The following GRIK2 variants were observed in gnomAD, a reference collection of about 807,000 sequenced individuals.
GRIK2 encodes glutamate receptor ionotropic, kainate 2.
In GRIK2, 32 loss-of-function variants were observed where a neutral mutation model predicts 100.3. That is an observed-to-expected ratio of 0.32 (90% CI 0.24 to 0.43). The LOEUF is 0.43. Ranked by LOEUF, GRIK2 falls within the 20% of genes least tolerant of loss-of-function variation. The pLI is 1.00. For synonymous variants in GRIK2, 417 were observed against 389.4 expected (o/e 1.07, Z -0.83); for missense variants, 843 against 1,114.9 (o/e 0.76, Z 3.47).
At chr6:101,446,234 G>A (rs1770367640) in intron 2 of GRIK2, among the ~76,000 whole-genome samples, 1 of 151,782 alleles carries the variant, frequency 6.6e-6, no homozygotes, top group African/African-American at 2.4e-5. Flanking sequence ...AAATTTATGA[G>A]GCACCAAATT....
At chr6:102,000,272 A>G (rs1446395295) in intron 14 of GRIK2, among the ~76,000 whole-genome samples, 2 of 117,174 alleles carry the variant, frequency 1.7e-5, no homozygotes, top group African/African-American at 6.4e-5. Context: ...TTCTTTGTTG[A>G]AGGCTTTTTT....
intron 3 of GRIK2, among the ~76,000 whole-genome samples, chr6:101,623,262 T>A (rs899884468): frequency 9.9e-5 from 15 of 152,042 alleles, no homozygotes; most frequent in African/African-American, 3.4e-4. Flanking sequence ...AGCTAAGTAG[T>A]GTTTATCAAA....
intron 10 of GRIK2, among the ~76,000 whole-genome samples, chr6:101,839,180 C>G (rs1347434018): frequency 6.6e-6 from 1 of 152,164 alleles, no homozygotes; most frequent in Non-Finnish European, 1.5e-5. Context: ...CTGACTTTCA[C>G]TGTTCTGAAT....
intron 2 of GRIK2, among the ~76,000 whole-genome samples, chr6:101,572,754 T>G (rs1161296044): frequency 9.2e-6 from 1 of 108,452 alleles, no homozygotes; most frequent in Non-Finnish European, 1.8e-5. Flanking sequence ...CTCAGTTTCT[T>G]TTTTTTTTTT....
chr6:101,990,644 T>C (rs546968645), intron 14 of GRIK2, among the ~76,000 whole-genome samples: 1 of 151,766 alleles, frequency 6.6e-6, no homozygotes, highest in African/African-American at 2.4e-5. Flanking sequence ...AAAATTCTTA[T>C]TCTAATTTCA....
intron 7 of GRIK2, among the ~76,000 whole-genome samples, chr6:101,687,395 C>T (rs1226887401): frequency 2.0e-5 from 3 of 151,890 alleles, no homozygotes; most frequent in Non-Finnish European, 4.4e-5. Context: ...TTACCATCTG[C>T]TTTTAATGAG....
intron 9 of GRIK2, among the ~76,000 whole-genome samples, chr6:101,809,539 G>T (rs1781201947): frequency 6.6e-6 from 1 of 151,890 alleles, no homozygotes; most frequent in South Asian, 2.1e-4. Flanking sequence ...CGGATGCACG[G>T]CAGTTTTTAT....
At chr6:101,988,579 G>T (rs1794179571) in intron 14 of GRIK2, among the ~76,000 whole-genome samples, 1 of 151,722 alleles carries the variant, frequency 6.6e-6, no homozygotes, top group South Asian at 2.1e-4. Context: ...TCTGTAAAAT[G>T]GGGTTAATAA....
chr6:101,760,581 T>C (rs1405056638), intron 7 of GRIK2, among the ~76,000 whole-genome samples: 1 of 87,636 alleles, frequency 1.1e-5, no homozygotes, highest in Admixed American at 1.8e-4. Flanking sequence ...TAATTAATTA[T>C]ATATAATTAT....
chr6:101,844,399 G>GA (rs1186024505), intron 10 of GRIK2, among the ~76,000 whole-genome samples: 1 of 152,182 alleles, frequency 6.6e-6, no homozygotes, highest in Non-Finnish European at 1.5e-5. Context: ...GTGTAATACA[G>GA]TTGAATAATA....
intron 14 of GRIK2, among the ~76,000 whole-genome samples, chr6:101,958,524 T>C (rs1282540092): frequency 1.3e-5 from 2 of 152,058 alleles, no homozygotes; most frequent in African/African-American, 2.4e-5. Flanking sequence ...TATTTCTTCC[T>C]CTTGCTTGAT....
intron 2 of GRIK2, among the ~76,000 whole-genome samples, chr6:101,563,666 A>G (rs529900016): frequency 1.3e-5 from 2 of 152,312 alleles, no homozygotes; most frequent in East Asian, 3.9e-4. Context: ...ATAAGGCATC[A>G]TACTTTACAT....
chr6:102,013,179 T>C (rs1358598736), intron 14 of GRIK2, among the ~76,000 whole-genome samples: 1 of 152,200 alleles, frequency 6.6e-6, no homozygotes, highest in Non-Finnish European at 1.5e-5. Flanking sequence ...TCTAAATATT[T>C]TATTCCTTTT....
intron 2 of GRIK2, among the ~76,000 whole-genome samples, chr6:101,590,450 A>G (rs1374367804): frequency 6.6e-6 from 1 of 151,952 alleles, no homozygotes; most frequent in Admixed American, 6.6e-5. Context: ...CTTGGCCTTT[A>G]GTGTGTTCTC....
At chr6:101,529,591 C>A (rs1312242176) in intron 2 of GRIK2, among the ~76,000 whole-genome samples, 1 of 151,992 alleles carries the variant, frequency 6.6e-6, no homozygotes, top group East Asian at 1.9e-4. Context: ...ATTAATTCAA[C>A]CATTTATTCT....
chr6:101,843,950 T>G (rs1383955492), intron 10 of GRIK2, among the ~76,000 whole-genome samples: 1 of 152,112 alleles, frequency 6.6e-6, no homozygotes, highest in Non-Finnish European at 1.5e-5. Flanking sequence ...TCCTTAAGAG[T>G]AGATATCATA....
intron 14 of GRIK2, among the ~76,000 whole-genome samples, chr6:101,951,403 GA>G (rs1791597456): frequency 6.6e-6 from 1 of 152,098 alleles, no homozygotes; most frequent in East Asian, 1.9e-4. Flanking sequence ...ATCAATTGTT[GA>G]AGTAAATGGA....
chr6:101,845,531 A>G (rs943393700), intron 10 of GRIK2, among the ~76,000 whole-genome samples: 3 of 152,194 alleles, frequency 2.0e-5, no homozygotes, highest in African/African-American at 7.2e-5. Flanking sequence ...CATTTTATGC[A>G]TATTCATCAT....
At chr6:101,528,980 A>AATAT (rs10700382) in intron 2 of GRIK2, among the ~76,000 whole-genome samples, 16,096 of 152,062 alleles carry the variant, frequency 0.11, 991 homozygotes, top group Middle Eastern at 0.13. Context: ...TTAGCCTATG[A>AATAT]ATATCTTCTC....
Sources: allele counts gnomAD v4.1 joint callset (sites outside exome capture counted in the v4.1 genomes callset), GRCh38; gene constraint gnomAD v4.1.1; transcripts MANE v1.5; gene names NCBI Gene and HGNC (gene_info 2026-07-23, HGNC 2026-07-21).